The following DAB1 variants were observed in gnomAD, a reference collection of about 807,000 sequenced individuals.
DAB1 encodes the protein DAB adaptor protein 1.
DAB1 carries 15 observed loss-of-function variants against 64.6 expected under a neutral mutation model. The ratio of observed to expected loss-of-function variants is 0.23; its 90% CI spans 0.16 to 0.36. The LOEUF (loss-of-function observed/expected upper bound fraction) is 0.36. Ranked by LOEUF, DAB1 falls within the 10% of genes least tolerant of loss-of-function variation. DAB1 has a pLI of 1.00. For missense variants in DAB1, 596 were observed against 706.7 expected (o/e 0.84, Z 1.78); for synonymous variants, 235 against 251.9 (o/e 0.93, Z 0.64).
chr1:58,002,124 A>G (rs1231782538), intron 5 of DAB1, among the ~76,000 whole-genome samples: 2 of 152,196 alleles, frequency 1.3e-5, no homozygotes, highest in Non-Finnish European at 2.9e-5. Flanking sequence ...GAATTGCAAA[A>G]AAATAAGCTT....
intron 9 of DAB1, among the ~76,000 whole-genome samples, chr1:57,033,099 T>C (rs987978647): frequency 5.9e-5 from 9 of 152,038 alleles, no homozygotes; most frequent in African/African-American, 1.7e-4. Context: ...GCCTGGGACA[T>C]GTTAGAGGTT....
At chr1:57,494,779 C>T (rs989801862) in intron 7 of DAB1, among the ~76,000 whole-genome samples, 38 of 152,164 alleles carry the variant, frequency 2.5e-4, no homozygotes, top group African/African-American at 9.2e-4. Flanking sequence ...TGATTAAAAT[C>T]ATGCCAACAA....
At chr1:58,236,967 T>C (rs79321406) in intron 4 of DAB1, among the ~76,000 whole-genome samples, 8,691 of 152,264 alleles carry the variant, frequency 0.057, 271 homozygotes, top group African/African-American at 0.067. Context: ...AAATTGGGAC[T>C]AGGTCCTTGG....
chr1:57,528,342 T>C (rs919021723), intron 7 of DAB1, among the ~76,000 whole-genome samples: 5 of 151,992 alleles, frequency 3.3e-5, no homozygotes, highest in African/African-American at 1.2e-4. Flanking sequence ...ACAATAAAAT[T>C]TGGAAAAAAT....
At chr1:58,223,599 AG>A (rs1659294497) in intron 4 of DAB1, among the ~76,000 whole-genome samples, 1 of 152,154 alleles carries the variant, frequency 6.6e-6, no homozygotes, top group African/African-American at 2.4e-5. Context: ...AGGATGGAGG[AG>A]TATTTAAAAG....
intron 1 of DAB1, among the ~76,000 whole-genome samples, chr1:57,328,258 G>A (rs551659266): frequency 1.6e-4 from 25 of 152,284 alleles, no homozygotes; most frequent in African/African-American, 2.6e-4. Context: ...AATGGCTAGC[G>A]GCAGATCTTG....
chr1:57,488,171 A>G (rs1421549116), intron 7 of DAB1, among the ~76,000 whole-genome samples: 1 of 152,136 alleles, frequency 6.6e-6, no homozygotes, highest in East Asian at 1.9e-4. Flanking sequence ...TGGGAGGCCA[A>G]GACGGGTGGA....
chr1:58,516,649 G>A (rs1646161861), intron 2 of DAB1, among the ~76,000 whole-genome samples: 1 of 152,152 alleles, frequency 6.6e-6, no homozygotes, highest in Non-Finnish European at 1.5e-5. Flanking sequence ...GGGAAAGTGG[G>A]CTGCCTACTT....
chr1:57,869,785 C>T (rs992804916), intron 1 of DAB1, among the ~76,000 whole-genome samples: 1 of 152,072 alleles, frequency 6.6e-6, no homozygotes, highest in Non-Finnish European at 1.5e-5. Flanking sequence ...TGGGTAGAAT[C>T]TGTTGGAGGT....
In DAB1 at chr1:58,247,474, C is replaced by T. The variant is rs181926109; in HGVS notation, n.309+95878G>A. ...GTCTGCTAGGCAAACAGCTCCCCTCCCAGCACCAACAGCACACCAACAACT... is the reference window on the plus strand; with the variant it reads ...GTCTGCTAGGCAAACAGCTCCCCTCTCAGCACCAACAGCACACCAACAACT... On this transcript the variant is annotated intron_variant and non_coding_transcript_variant, in intron 4 of 20. Transcript: ENST00000485760. Among the ~76,000 whole-genome samples the T allele has an allele frequency of 8.1e-4, 123 of 152,256 alleles. 1 individual carries two copies. The highest frequency in any genetic ancestry group is 2.5e-3 in the African/African-American group (102 of 41,532).
intron 1 of DAB1, among the ~76,000 whole-genome samples, chr1:57,358,126 T>C (rs1679271669): frequency 6.6e-6 from 1 of 152,108 alleles, no homozygotes; most frequent in African/African-American, 2.4e-5. Context: ...CTTTTTACTT[T>C]GAATGCCTTT....
intron 7 of DAB1, among the ~76,000 whole-genome samples, chr1:57,606,512 AAT>A (rs1296055136): frequency 1.3e-4 from 11 of 84,768 alleles, no homozygotes; most frequent in East Asian, 3.0e-4. Context: ...TATATAATAT[AAT>A]ATATATAATA....
intron 4 of DAB1, among the ~76,000 whole-genome samples, chr1:58,252,273 A>G (rs942501089): frequency 7.8e-4 from 119 of 152,260 alleles, no homozygotes; most frequent in African/African-American, 2.8e-3. Context: ...TTCTCTCAGC[A>G]TCTGGGATGC....
At chr1:57,176,215 G>A (rs546067927) in intron 2 of DAB1, among the ~76,000 whole-genome samples, 9 of 152,122 alleles carry the variant, frequency 5.9e-5, no homozygotes, top group East Asian at 3.9e-4. Context: ...GTATTAGTCC[G>A]TTTTCATGCT....
Position 57,711,480 on chromosome 1 carries a change from C to T in DAB1, n.552-61815G>A, listed in dbSNP as rs1647028859. On this transcript the variant is annotated intron_variant and non_coding_transcript_variant, in intron 6 of 20. Coordinates refer to the DAB1 transcript ENST00000485760. ...GAGTGGTGGGGATAGCAGTTGGCTC[C>T]AGGGGAATAGGAGTGAAACTGCTGC... 2.0e-5 allele frequency among the ~76,000 whole-genome samples: 3 copies of T among 152,178 alleles called. No homozygotes were observed. In the South Asian group the frequency reaches 6.2e-4, roughly 32 times the overall value.
intron 2 of DAB1, among the ~76,000 whole-genome samples, chr1:57,149,762 G>A (rs1393458926): frequency 6.6e-6 from 1 of 152,086 alleles, no homozygotes; most frequent in Non-Finnish European, 1.5e-5. Context: ...ACCTACCTCT[G>A]TGTTCTGCTA....
intron 4 of DAB1, among the ~76,000 whole-genome samples, chr1:57,111,910 T>C (rs975626023): frequency 3.9e-5 from 6 of 152,166 alleles, no homozygotes; most frequent in Non-Finnish European, 7.4e-5. Flanking sequence ...GGGTTAGGTG[T>C]TCAGGAGTCA....
chr1:58,335,727 T>G (rs1185615796), intron 4 of DAB1, among the ~76,000 whole-genome samples: 2 of 152,142 alleles, frequency 1.3e-5, no homozygotes, highest in African/African-American at 4.8e-5. Flanking sequence ...AAGCTGTCGA[T>G]TCTTGCTGAT....
intron 5 of DAB1, among the ~76,000 whole-genome samples, chr1:58,014,793 G>T (rs1039887173): frequency 2.0e-5 from 3 of 152,212 alleles, no homozygotes; most frequent in African/African-American, 7.2e-5. Flanking sequence ...TGAGGGAATC[G>T]ATTTGCCTGA....
Sources: gnomAD v4.1 joint callset for allele counts (sites outside exome capture counted in the v4.1 genomes callset) on GRCh38, gnomAD v4.1.1 for gene constraint, MANE v1.5 for transcripts, NCBI Gene and HGNC (gene_info 2026-07-23, HGNC 2026-07-21) for gene names.